Variants in ABHD18 observed in about 807,000 individuals in gnomAD.
The protein encoded by ABHD18 is abhydrolase domain containing 18, also known as cardiolipin-specific deacylase, mitochondrial.
A neutral mutation model predicts 65.9 loss-of-function variants in ABHD18; 55 were observed. The ratio of observed to expected loss-of-function variants is 0.84; its 90% CI spans 0.67 to 1.05. The LOEUF (loss-of-function observed/expected upper bound fraction) is 1.05, where lower values mean the gene tolerates loss of function less well. ABHD18 is among the 50% of genes least tolerant of loss of function. ABHD18 has a pLI of 0.00. For missense variants in ABHD18, 533 were observed against 558.5 expected (o/e 0.95, Z 0.46); for synonymous variants, 181 against 180.2 (o/e 1.00, Z -0.04).
chr4:128,029,382 ACT>A (rs1192267803), intron 11 of ABHD18, among the ~76,000 whole-genome samples: 2 of 150,070 alleles, frequency 1.3e-5, no homozygotes, highest in African/African-American at 2.5e-5. Context: ...ACATACACAC[ACT>A]CTCACACACT....
At position 128,039,009 on chromosome 4, in the gene ABHD18, T is replaced by C. The variant is rs1260389747; in HGVS notation, c.*3196T>C. On this transcript the variant is annotated 3_prime_UTR_variant, in exon 13 of 13. Transcript: ENST00000645843. The stretch of plus-strand genomic sequence containing the variant: ...TTTTAATCTATTCCCCCCAAAATGG[T>C]GGCTTAAGTGTTCTCAAATACATAA... 2.0e-5 allele frequency: 3 copies of C among 150,816 alleles called. No individual in the cohort carries two copies. The allele number at this position is 150,816 out of a possible 1,614,324, so 9.3% of individuals were successfully genotyped here. A position where few individuals can be genotyped will look rare whatever the true frequency, so the allele number is the denominator to read the frequency against.
intron 3 of ABHD18, 114 bp from the exon 4 acceptor site, chr4:127,989,607 T>C: frequency 1.7e-6 from 1 of 582,348 alleles, no homozygotes; most frequent in Non-Finnish European, 2.9e-6. Flanking sequence ...GTTTACATAG[T>C]AGGTGCTGAA....
At chr4:127,996,166 T>C (rs1001835563) in intron 4 of ABHD18, among the ~76,000 whole-genome samples, 7 of 152,246 alleles carry the variant, frequency 4.6e-5, no homozygotes, top group African/African-American at 7.2e-5. Flanking sequence ...AAATCTTTTA[T>C]AAAACTAATG....
chr4:128,013,064 CAAAAAAAAAAAAA>C (rs1199459823), intron 7 of ABHD18, among the ~76,000 whole-genome samples: 1 of 60,482 alleles, frequency 1.7e-5, no homozygotes, highest in African/African-American at 6.4e-5. Flanking sequence ...GACTCCATCC[CAAAAAAAAAAAAA>C]AAAAAAAAAG....
Position 128,021,199 on chromosome 4 carries a change from T to G in ABHD18, c.762T>G (p.Val254=). Residue 254 remains valine, a synonymous_variant, in exon 10 of 13, where the codon GTT becomes GTG. Coordinates refer to ENST00000645843, the MANE Select transcript of ABHD18 (RefSeq NM_001358451.3). ...AAAAGCAATATTATACCCAGACAGT[T>G]TATGAAGAAGAAATTATTCACATGC... The part of the protein sequence containing the change: ...ELEKQYYTQT[V]YEEEIIHMLE... 1.3e-6 allele frequency: 2 copies of G among 1,548,432 alleles called. No homozygotes were observed. The highest frequency in any genetic ancestry group is 1.7e-6 in the Non-Finnish European group (2 of 1,145,058).
At position 128,038,072 on chromosome 4, in the gene ABHD18, G is replaced by T. The variant is rs1759039259; in HGVS notation, c.*2259G>T. The T allele has an allele frequency of 6.6e-6, 1 of 151,288 alleles. No homozygotes were observed. Among genetic ancestry groups the T allele is most frequent in the African/African-American group, 2.5e-5 (1 of 40,634 alleles). The allele number at this position is 151,288 out of a possible 1,614,324, so 9.4% of individuals were successfully genotyped here. ...AATGTGCCTTTGCAGTCTTTTTAAA[G>T]GAGATTTCATTTGTCACCTCTATGC... On this transcript the variant is annotated 3_prime_UTR_variant, in exon 13 of 13. Coordinates refer to ENST00000645843, the MANE Select transcript of ABHD18 (RefSeq NM_001358451.3).
Position 127,983,067 on chromosome 4 carries a change from G to T in ABHD18, c.92+20G>T. The T allele has an allele frequency of 6.7e-7, 1 of 1,493,896 alleles. No homozygotes were observed. The highest frequency in any genetic ancestry group is 1.2e-5 in the South Asian group (1 of 81,314). 92.5% of individuals were successfully genotyped at this position (1,493,896 alleles called of 1,614,324 possible). Reference sequence around the variant, plus strand: ...CAAAAGGCAAGCAATTTTTTTTCCTGAATACTTGTTCTGAATTTGTTGTTT... The same window carrying T: ...CAAAAGGCAAGCAATTTTTTTTCCTTAATACTTGTTCTGAATTTGTTGTTT... On this transcript the variant is annotated intron_variant, in intron 2 of 12. Transcript: ENST00000645843.
In ABHD18 at chr4:127,991,194, G is replaced by A. The variant is rs538122037; in HGVS notation, c.278+1373G>A. The stretch of plus-strand genomic sequence containing the variant: ...AATGATTTGTGTTTTGTTTTGTTTC[G>A]TTTTGTTTTGTTTTTGAGATGGAAT... On this transcript the variant is annotated intron_variant, in intron 4 of 12. Coordinates refer to ENST00000645843, the MANE Select transcript of ABHD18 (RefSeq NM_001358451.3). Among the ~76,000 whole-genome samples, 17 of 151,706 alleles carry A rather than the reference G, an allele frequency of 1.1e-4. No individual in the cohort carries two copies. The East Asian group carries it at 1.6e-3, about 14-fold the overall frequency.
At chr4:128,007,040 G>A (rs1274544951) in intron 4 of ABHD18, among the ~76,000 whole-genome samples, 1 of 152,204 alleles carries the variant, frequency 6.6e-6, no homozygotes, top group Non-Finnish European at 1.5e-5. Flanking sequence ...AGCTACTTGG[G>A]AGGCTGAGGC....
chr4:127,979,318 A>T (rs1008432260), intron 1 of ABHD18, among the ~76,000 whole-genome samples: 1 of 151,404 alleles, frequency 6.6e-6, no homozygotes, highest in African/African-American at 2.4e-5. Context: ...CACTTTGGGG[A>T]GCTGAGGCAG....
intron 4 of ABHD18, among the ~76,000 whole-genome samples, chr4:128,003,595 C>A (rs1362816023): frequency 6.6e-6 from 1 of 151,680 alleles, no homozygotes; most frequent in East Asian, 1.9e-4. Flanking sequence ...TTTCCAAGAT[C>A]TTTTTATTAT....
intron 6 of ABHD18, chr4:128,009,672 A>G (rs1754205375): frequency 6.5e-6 from 1 of 154,246 alleles, no homozygotes; most frequent in Admixed American, 6.5e-5. Context: ...TAAAAAAAAC[A>G]GTACTGGTGA....
rs572883886 is a variant in ABHD18, at chr4:127,977,016, G to C, written c.-17-5923G>C. Among the ~76,000 whole-genome samples, 12 of 152,066 alleles carry C rather than the reference G, an allele frequency of 7.9e-5. No homozygotes were observed. The East Asian group carries it at 1.9e-3, about 25-fold the overall frequency. On this transcript the variant is annotated intron_variant, in intron 1 of 12. Coordinates refer to ENST00000645843, the MANE Select transcript of ABHD18 (RefSeq NM_001358451.3). ...AGATCGTGCTACTGCACTCCAGCCT[G>C]GGCGACAGAGCGACACTCCATCTCA... is the stretch of plus-strand genomic sequence containing the variant.
In ABHD18 at chr4:128,028,586, C is replaced by A; in HGVS notation, c.913C>A (p.Gln305Lys). 1.9e-6 allele frequency: 3 copies of A among 1,613,680 alleles called. No individual in the cohort carries two copies. In the East Asian group the frequency reaches 6.7e-5, roughly 36 times the overall value. The change falls in exon 11 of 13, where the codon CAA (glutamine) becomes AAA (lysine). Residue 305 changes from glutamine to lysine, a missense_variant. Transcript: ENST00000645843. ...AACTTTAAATTTAGATATATCAAAC[C>A]AAGTTGTATCCCAAAAACCTGCTGA... The part of the protein sequence containing the change: ...SRTLNLDISN[Q>K]VVSQKPADCH...
chr4:127,971,087 AAAAG>A (rs1411796287), intron 1 of ABHD18, among the ~76,000 whole-genome samples: 2 of 151,536 alleles, frequency 1.3e-5, no homozygotes, highest in Admixed American at 6.6e-5. Context: ...AAAAAAAAAA[AAAAG>A]AAAGAAATTA....
In ABHD18 at chr4:128,008,088, G is replaced by T. The variant is rs185022642; in HGVS notation, c.279-832G>T. 9.9e-5 allele frequency among the ~76,000 whole-genome samples: 15 copies of T among 151,560 alleles called. No individual in the cohort carries two copies. The East Asian group carries it at 2.0e-3, about 20-fold the overall frequency. On this transcript the variant is annotated intron_variant, in intron 4 of 12. Coordinates refer to ENST00000645843, the MANE Select transcript of ABHD18 (RefSeq NM_001358451.3). Reference sequence around the variant, plus strand: ...ACCAGTCTGGTCAACGTGGTGAAACGCCATCTCTACTAAAAATACAAAAAT... The same window carrying T: ...ACCAGTCTGGTCAACGTGGTGAAACTCCATCTCTACTAAAAATACAAAAAT...
intron 10 of ABHD18, among the ~76,000 whole-genome samples, chr4:128,027,860 T>A (rs1280233623): frequency 6.6e-6 from 1 of 152,058 alleles, no homozygotes; most frequent in Non-Finnish European, 1.5e-5. Context: ...TAAAAAAAAA[T>A]GATGCAGGCT....
intron 4 of ABHD18, among the ~76,000 whole-genome samples, chr4:128,002,260 G>A (rs1752779738): frequency 6.6e-6 from 1 of 151,762 alleles, no homozygotes; most frequent in South Asian, 2.1e-4. Context: ...GGGCAACAGA[G>A]CAAGGCTCCA....
chr4:128,025,612 A>C (rs566715359), intron 10 of ABHD18, among the ~76,000 whole-genome samples: 23 of 152,326 alleles, frequency 1.5e-4, no homozygotes, highest in African/African-American at 5.5e-4. Context: ...GTAACTTTGT[A>C]CATTCATGTT....
Sources: gnomAD v4.1 joint callset for allele counts (sites outside exome capture counted in the v4.1 genomes callset) on GRCh38, gnomAD v4.1.1 for gene constraint, MANE v1.5 for transcripts, NCBI Gene and HGNC (gene_info 2026-07-23, HGNC 2026-07-21) for gene names.